The following ADAM32 variants were observed in gnomAD, a reference collection of about 807,000 sequenced individuals.
The protein encoded by ADAM32 is disintegrin and metalloproteinase domain-containing protein 32.
Under a neutral mutation model 114.9 loss-of-function variants are expected in ADAM32, and 89 were observed. The observed-to-expected ratio is 0.77, with a 90% CI of 0.65 to 0.92. The LOEUF (loss-of-function observed/expected upper bound fraction) is 0.92, where lower values mean the gene tolerates loss of function less well. ADAM32 is among the 40% of genes least tolerant of loss of function. The pLI, the probability that ADAM32 is intolerant of heterozygous loss-of-function variation, is 0.00. For synonymous variants in ADAM32, 285 were observed against 307.5 expected, an observed-to-expected ratio of 0.93 and a Z score of 0.77; for missense variants, 870 against 932.8, an observed-to-expected ratio of 0.93 and a Z score of 0.88.
intron 23 of ADAM32, among the ~76,000 whole-genome samples, chr8:39,281,806 A>C (rs138520958): frequency 3.5e-4 from 53 of 152,182 alleles, no homozygotes; most frequent in African/African-American, 1.2e-3. Flanking sequence ...TAGAGTTTTC[A>C]TTTTCTTATA....
At chr8:39,195,523 A>G (rs1161226956) in intron 11 of ADAM32, among the ~76,000 whole-genome samples, 2 of 152,070 alleles carry the variant, frequency 1.3e-5, no homozygotes, top group Non-Finnish European at 2.9e-5. Context: ...ATGTCCTGAA[A>G]TATTTCTGTT....
At chr8:39,234,136 T>G in intron 16 of ADAM32, 54 bp downstream of exon 16, 1 of 1,176,742 alleles carries the variant, frequency 8.5e-7, no homozygotes, top group Non-Finnish European at 1.1e-6. Context: ...TGTTTTCATC[T>G]TTTTATTTAA....
chr8:39,165,176 T>A lies in ADAM32; in HGVS notation c.813T>A (p.His271Gln). 6.4e-7 allele frequency: 1 copy of A among 1,570,522 alleles called. No individual in the cohort carries two copies. Among genetic ancestry groups the A allele is most frequent in the Non-Finnish European group, 8.7e-7 (1 of 1,155,608 alleles). Residue 271 changes from histidine (H) to glutamine (Q), a missense_variant, in exon 9 of 25, where the codon CAT (histidine) becomes CAA (glutamine). Transcript: ENST00000379907. ...AATCTTATCTTAACCTAAGGCCTCATGATATTGCATATCTACTAATGTAAG... is the reference window on the plus strand; with the variant it reads ...AATCTTATCTTAACCTAAGGCCTCAAGATATTGCATATCTACTAATGTAAG... Reference protein sequence around the residue: ...WKQSYLNLRPHDIAYLLIYMD... With the variant: ...WKQSYLNLRPQDIAYLLIYMD...
At chr8:39,254,574 A>G (rs756355775) in intron 18 of ADAM32, 58 bp downstream of exon 18, 4 of 1,340,176 alleles carry the variant, frequency 3.0e-6, no homozygotes, top group Non-Finnish European at 4.0e-6. Flanking sequence ...GCTTATCTTC[A>G]CTAAAACAAA....
At position 39,254,424 on chromosome 8, in the gene ADAM32, C is replaced by A; in HGVS notation, c.1913C>A (p.Ser638Tyr). The change falls in exon 18 of 25, where the codon TCC (serine) becomes TAC (tyrosine). Residue 638 changes from serine to tyrosine, a missense_variant. Physicochemically the swap from Ser to Tyr is moderately radical, Grantham distance 144. Transcript: ENST00000379907. ...QQCSGHGVCD[S>Y]RNKCHCSPGY... ...TCAAAATGATCCTAGGTGTGTGATT[C>A]CAGAAACAAGTGCCATTGTTCGCCA... The A allele has an allele frequency of 6.3e-7, 1 of 1,595,586 alleles. No homozygotes were observed. Among genetic ancestry groups the A allele is most frequent in the Middle Eastern group, 1.7e-4 (1 of 6,034 alleles).
intron 12 of ADAM32, among the ~76,000 whole-genome samples, chr8:39,211,875 TAGAC>T (rs1481714365): frequency 6.6e-6 from 1 of 152,224 alleles, no homozygotes; most frequent in Admixed American, 6.5e-5. Context: ...GGTTACAAGG[TAGAC>T]AGAAATTTAT....
chr8:39,274,442 T>A (rs561306626), intron 21 of ADAM32, 92 bp downstream of exon 21: 2 of 1,426,102 alleles, frequency 1.4e-6, no homozygotes, highest in Admixed American at 1.8e-5. Flanking sequence ...TTTTGAACAA[T>A]GTCAATTGGT....
intron 14 of ADAM32, among the ~76,000 whole-genome samples, chr8:39,228,382 A>G (rs1488529954): frequency 6.6e-6 from 1 of 152,218 alleles, no homozygotes; most frequent in Non-Finnish European, 1.5e-5. Flanking sequence ...TAAGCTAATC[A>G]GGGAGGCAAT....
intron 16 of ADAM32, among the ~76,000 whole-genome samples, chr8:39,244,818 T>G (rs1209783930): frequency 1.3e-5 from 2 of 152,132 alleles, no homozygotes; most frequent in Non-Finnish European, 2.9e-5. Context: ...ACCTGCACGT[T>G]GTGCACATGT....
chr8:39,168,461 C>T (rs1804987270), intron 9 of ADAM32: 1 of 152,122 alleles, frequency 6.6e-6, no homozygotes, highest in Non-Finnish European at 1.5e-5. Flanking sequence ...TGAATTTGCC[C>T]ACATTATGCA....
chr8:39,192,716 C>T (rs1414054028), intron 11 of ADAM32, among the ~76,000 whole-genome samples: 1 of 152,194 alleles, frequency 6.6e-6, no homozygotes, highest in African/African-American at 2.4e-5. Flanking sequence ...CTGATAGTAA[C>T]TAATGCCCTC....
At chr8:39,254,544 T>G (rs1370887044) in intron 18 of ADAM32, 28 bp downstream of exon 18, 4 of 1,468,806 alleles carry the variant, frequency 2.7e-6, no homozygotes, top group Non-Finnish European at 3.7e-6. Flanking sequence ...TAAATACCCA[T>G]TTAATAAAAT....
rs780946757 is a variant in ADAM32 at position 39,223,048 on chromosome 8, A to T, written c.1335A>T (p.Gln445His). 1.9e-6 allele frequency: 3 copies of T among 1,573,934 alleles called. No homozygotes were observed. The highest frequency in any genetic ancestry group is 1.7e-4 in the Middle Eastern group (1 of 5,998). The change falls in exon 14 of 25, where the codon CAA (glutamine) becomes CAT (histidine). Residue 445 changes from glutamine to histidine, a missense_variant. Gln to His is a conservative substitution (Grantham distance 24, BLOSUM62 0). Transcript: ENST00000379907. The stretch of plus-strand genomic sequence containing the variant: ...GTTCTAACTTCTCTTAGATTTTACA[A>T]TCAGGCGTTGAATGTAGGCCGAAAG... ...GLCCKDCQIL[Q>H]SGVECRPKAH...
chr8:39,197,046 A>G (rs751412977), intron 11 of ADAM32, among the ~76,000 whole-genome samples: 10 of 151,860 alleles, frequency 6.6e-5, no homozygotes, highest in South Asian at 2.1e-4. Context: ...CAGGTTTTCT[A>G]TTTCTTCCTT....
intron 10 of ADAM32, among the ~76,000 whole-genome samples, chr8:39,173,912 C>T (rs552645112): frequency 6.6e-6 from 1 of 152,140 alleles, no homozygotes; most frequent in South Asian, 2.1e-4. Flanking sequence ...GCAACCTCTG[C>T]CTCCAAGGTT....
intron 6 of ADAM32, chr8:39,158,102 G>T: frequency 4.4e-6 from 1 of 227,088 alleles, no homozygotes; most frequent in South Asian, 7.4e-5. Context: ...CCAAACGCTT[G>T]CTTCACAGGT....
intron 16 of ADAM32, among the ~76,000 whole-genome samples, chr8:39,237,871 A>C (rs985030923): frequency 2.6e-5 from 4 of 152,172 alleles, no homozygotes; most frequent in African/African-American, 9.7e-5. Context: ...GAAAAACTTG[A>C]ATACTTACCT....
intron 17 of ADAM32, among the ~76,000 whole-genome samples, chr8:39,248,081 C>T (rs1811044443): frequency 6.6e-6 from 1 of 152,090 alleles, no homozygotes; most frequent in Non-Finnish European, 1.5e-5. Flanking sequence ...CATATTGCCT[C>T]GATTACTACA....
chr8:39,135,272 A>G (rs902595092), intron 2 of ADAM32, among the ~76,000 whole-genome samples: 1 of 152,166 alleles, frequency 6.6e-6, no homozygotes, highest in Non-Finnish European at 1.5e-5. Context: ...AAAAAGTAGG[A>G]TGCCCTGCTG....
Sources: gnomAD v4.1 joint callset for allele counts (sites outside exome capture counted in the v4.1 genomes callset) on GRCh38, gnomAD v4.1.1 for gene constraint, MANE v1.5 for transcripts, NCBI Gene and HGNC (gene_info 2026-07-23, HGNC 2026-07-21) for gene names.